Variants in ZDHHC14 observed in about 807,000 individuals in gnomAD.
ZDHHC14 encodes zDHHC palmitoyltransferase 14.
In ZDHHC14, 16 loss-of-function variants were observed where a neutral mutation model predicts 47.7. The ratio of observed to expected loss-of-function variants is 0.34; its 90% CI spans 0.23 to 0.51. The LOEUF is 0.51. Among genes scored for constraint, ZDHHC14 ranks in the 20% least tolerant of loss-of-function variants. The pLI, the probability that ZDHHC14 is intolerant of heterozygous loss-of-function variation, is 0.97. For synonymous variants in ZDHHC14, 293 were observed against 278.9 expected (o/e 1.05, Z -0.50); for missense variants, 515 against 662.5 (o/e 0.78, Z 2.44).
At chr6:157,432,081 G>A (rs966778640) in intron 1 of ZDHHC14, among the ~76,000 whole-genome samples, 2 of 152,044 alleles carry the variant, frequency 1.3e-5, no homozygotes, top group African/African-American at 4.8e-5. Flanking sequence ...TGGACCTTTA[G>A]AAATGCTCAG....
At chr6:157,395,550 C>T (rs1366550028) in intron 1 of ZDHHC14, among the ~76,000 whole-genome samples, 1 of 151,788 alleles carries the variant, frequency 6.6e-6, no homozygotes, top group Non-Finnish European at 1.5e-5. Context: ...AATCCTAGCA[C>T]TTTGGGAGGC....
At chr6:157,547,649 A>AGG (rs1269645152) in intron 2 of ZDHHC14, among the ~76,000 whole-genome samples, 15 of 62,478 alleles carry the variant, frequency 2.4e-4, no homozygotes, top group Non-Finnish European at 3.7e-4. Flanking sequence ...TTAAGACCAT[A>AGG]ATTTTCTCTA....
intron 5 of ZDHHC14, among the ~76,000 whole-genome samples, chr6:157,639,857 T>C (rs572621675): frequency 2.2e-4 from 34 of 152,262 alleles, no homozygotes; most frequent in African/African-American, 5.1e-4. Flanking sequence ...GTCTAAGATA[T>C]GTTTACAAAA....
chr6:157,382,555 G>A (rs1392497584), intron 1 of ZDHHC14, among the ~76,000 whole-genome samples: 2 of 152,156 alleles, frequency 1.3e-5, no homozygotes, highest in African/African-American at 4.8e-5. Flanking sequence ...AGGTGGGGCC[G>A]CCGGTCCCTG....
chr6:157,632,910 C>T (rs1197085356), intron 5 of ZDHHC14, 28 bp downstream of exon 5: 13 of 1,612,524 alleles, frequency 8.1e-6, no homozygotes, highest in African/African-American at 2.7e-5. Flanking sequence ...TCTGTTTTCA[C>T]GATGCTAATG....
At chr6:157,525,796 T>A (rs9505845) in intron 1 of ZDHHC14, among the ~76,000 whole-genome samples, 3 of 151,958 alleles carry the variant, frequency 2.0e-5, no homozygotes, top group African/African-American at 2.4e-5. Flanking sequence ...CCACTGCTGC[T>A]GGATGCCTGC....
chr6:157,658,284 G>A (rs1562533918), intron 8 of ZDHHC14, among the ~76,000 whole-genome samples: 1 of 152,150 alleles, frequency 6.6e-6, no homozygotes, highest in Admixed American at 6.5e-5. Context: ...CTGGTCCTCA[G>A]TTTTCCTCAT....
At chr6:157,656,568 T>G (rs576668448) in intron 8 of ZDHHC14, among the ~76,000 whole-genome samples, 13 of 152,066 alleles carry the variant, frequency 8.5e-5, no homozygotes, top group Middle Eastern at 6.8e-3. Flanking sequence ...GCTCCTGGCC[T>G]CAAGTGATCC....
intron 1 of ZDHHC14, among the ~76,000 whole-genome samples, chr6:157,429,905 T>C (rs1436062468): frequency 6.6e-6 from 1 of 152,046 alleles, no homozygotes; most frequent in Non-Finnish European, 1.5e-5. Context: ...ATAGAGAATC[T>C]TCAGGAGGGA....
chr6:157,547,771 T>A (rs1440540774), intron 2 of ZDHHC14, among the ~76,000 whole-genome samples: 1 of 147,080 alleles, frequency 6.8e-6, no homozygotes, highest in Admixed American at 6.9e-5. Flanking sequence ...TTTTCACCAA[T>A]CAGTATTATG....
In ZDHHC14 at chr6:157,633,018, C is replaced by A. The variant is rs1035623549; in HGVS notation, c.752+136C>A. 3.0e-5 allele frequency: 27 copies of A among 903,226 alleles called. No homozygotes were observed. In the East Asian group the frequency reaches 6.3e-4, roughly 21 times the overall value. 56.0% of individuals were successfully genotyped at this position (903,226 alleles called of 1,614,324 possible). On this transcript the variant is annotated intron_variant, in intron 5 of 8. Transcript: ENST00000359775. ...TTATTCCAAAGAACTCCCTCAGATTCACTGGCACGAGTAGTAGCTTCTGAC... is the reference window on the plus strand; with the variant it reads ...TTATTCCAAAGAACTCCCTCAGATTAACTGGCACGAGTAGTAGCTTCTGAC...
chr6:157,568,975 C>T (rs576771357), intron 2 of ZDHHC14, among the ~76,000 whole-genome samples: 1 of 152,030 alleles, frequency 6.6e-6, no homozygotes, highest in Non-Finnish European at 1.5e-5. Context: ...TATTAGAGCT[C>T]TTTAAAGATA....
At chr6:157,573,021 T>C (rs1297534785) in intron 2 of ZDHHC14, among the ~76,000 whole-genome samples, 1 of 152,146 alleles carries the variant, frequency 6.6e-6, no homozygotes, top group East Asian at 1.9e-4. Context: ...CAAGAGATCA[T>C]CCCACATGCC....
intron 1 of ZDHHC14, 61 bp from the exon 2 acceptor site, chr6:157,542,524 T>G: frequency 6.4e-7 from 1 of 1,569,062 alleles, no homozygotes; most frequent in Non-Finnish European, 8.7e-7. Context: ...TTACTGTTGA[T>G]TCCTAACATT....
intron 1 of ZDHHC14, among the ~76,000 whole-genome samples, chr6:157,523,763 C>G (rs1053765261): frequency 1.3e-5 from 2 of 150,462 alleles, no homozygotes; most frequent in African/African-American, 4.9e-5. Context: ...TAGCCAGGGA[C>G]AGTTGTGCGT....
chr6:157,648,150 G>A (rs758215281), intron 7 of ZDHHC14, among the ~76,000 whole-genome samples: 3 of 152,200 alleles, frequency 2.0e-5, no homozygotes, highest in Non-Finnish European at 4.4e-5. Context: ...CAGATTCTTT[G>A]TGAGTTACAC....
intron 1 of ZDHHC14, among the ~76,000 whole-genome samples, chr6:157,404,595 A>C (rs965343429): frequency 6.6e-6 from 1 of 152,138 alleles, no homozygotes. Flanking sequence ...CTGTCTCTCT[A>C]AAGTGCCCAT....
rs189866930 is a variant in ZDHHC14, at chr6:157,540,766, A to T, written c.246-1819A>T. Among the ~76,000 whole-genome samples the T allele has an allele frequency of 6.6e-5, 10 of 151,310 alleles. No homozygotes were observed. The East Asian group carries it at 1.9e-3, about 29-fold the overall frequency. ...GTTTTTTTGGAAAATTCTTTTCTACACAGTTGCTCTTTTCCCTAACCATTT... is the reference window on the plus strand; with the variant it reads ...GTTTTTTTGGAAAATTCTTTTCTACTCAGTTGCTCTTTTCCCTAACCATTT... On this transcript the variant is annotated intron_variant, in intron 1 of 8. Coordinates refer to ENST00000359775, the MANE Select transcript of ZDHHC14 (RefSeq NM_024630.3).
chr6:157,635,096 C>T (rs184236561), intron 5 of ZDHHC14, among the ~76,000 whole-genome samples: 52 of 152,160 alleles, frequency 3.4e-4, no homozygotes, highest in South Asian at 1.2e-3. Context: ...CGGGTTCAAG[C>T]GATTCTCCTG....
Sources: allele counts gnomAD v4.1 joint callset (sites outside exome capture counted in the v4.1 genomes callset), GRCh38; gene constraint gnomAD v4.1.1; transcripts MANE v1.5; gene names NCBI Gene and HGNC (gene_info 2026-07-23, HGNC 2026-07-21).